The following MACROD1 variants were observed in gnomAD, a reference collection of about 807,000 sequenced individuals.
The protein encoded by MACROD1 is mono-ADP ribosylhydrolase 1, also known as ADP-ribose glycohydrolase MACROD1.
In MACROD1, 31 loss-of-function variants were observed where a neutral mutation model predicts 41.4. That is an observed-to-expected ratio of 0.75 (90% CI 0.56 to 1.01). The LOEUF (loss-of-function observed/expected upper bound fraction) is 1.01. Ranked by LOEUF, MACROD1 falls within the 50% of genes least tolerant of loss-of-function variation. The probability of loss-of-function intolerance (pLI) is 0.00; values close to 1 mark genes in which losing one functional copy is unlikely to be tolerated. For missense variants in MACROD1, 473 were observed against 460.0 expected, an observed-to-expected ratio of 1.03 and a Z score of -0.26; for synonymous variants, 252 against 203.4, an observed-to-expected ratio of 1.24 and a Z score of -2.03.
rs1380185047 is a variant in MACROD1 at position 64,067,081 on chromosome 11, C to T, written c.518-51800G>A. Among the ~76,000 whole-genome samples the T allele has an allele frequency of 1.3e-5, 2 of 152,204 alleles. No individual in the cohort carries two copies. Among genetic ancestry groups the T allele is most frequent in the African/African-American group, 4.8e-5 (2 of 41,440 alleles). On this transcript the variant is annotated intron_variant, in intron 3 of 10. Coordinates refer to ENST00000255681, the MANE Select transcript of MACROD1 (RefSeq NM_014067.4). The surrounding 1 kb of genome is among the most constrained non-coding windows in gnomAD (Gnocchi z 4.6). The stretch of plus-strand genomic sequence containing the variant: ...CAATGTCCTGGCTCATTTGGGTAAA[C>T]TAAGGCCTGGCAGAATGGAAGCCAT...
At chr11:64,070,000 G>A (rs1320640855) in intron 3 of MACROD1, among the ~76,000 whole-genome samples, 1 of 152,188 alleles carries the variant, frequency 6.6e-6, no homozygotes, top group Non-Finnish European at 1.5e-5. Flanking sequence ...CCAGGAAGCT[G>A]GGGGACAGGC....
intron 3 of MACROD1, among the ~76,000 whole-genome samples, chr11:64,016,442 G>A (rs975851774): frequency 3.3e-5 from 5 of 152,238 alleles, no homozygotes; most frequent in Admixed American, 6.5e-5. Context: ...CTTCAGCTCT[G>A]CACACAGCTT....
rs1378734959 is a variant in MACROD1, at chr11:64,120,600, G to A, written c.517+30639C>T. 6.6e-6 allele frequency among the ~76,000 whole-genome samples: 1 copy of A among 152,052 alleles called. No individual in the cohort carries two copies. The highest frequency in any genetic ancestry group is 2.4e-5 in the African/African-American group (1 of 41,396). ...CTCGGGAGGCTGAGGCAGGAGAATC[G>A]CTTGAACCAGGGAGGCAGAGGCTGC... is the stretch of plus-strand genomic sequence containing the variant. On this transcript the variant is annotated intron_variant, in intron 3 of 10. Transcript: ENST00000255681. The surrounding 1 kb of genome is among the most constrained non-coding windows in gnomAD (Gnocchi z 4.5).
chr11:64,110,399 G>A (rs560252072), intron 3 of MACROD1, among the ~76,000 whole-genome samples: 4 of 151,712 alleles, frequency 2.6e-5, no homozygotes, highest in East Asian at 3.9e-4. Flanking sequence ...GCAGTGAGCC[G>A]TGATCGGGCC....
chr11:64,044,401 A>G (rs2134395525), intron 3 of MACROD1, among the ~76,000 whole-genome samples: 1 of 152,054 alleles, frequency 6.6e-6, no homozygotes, highest in Middle Eastern at 3.4e-3. Context: ...ACAGGCACGC[A>G]CCAACACACT....
At chr11:64,056,676 G>A (rs528093479) in intron 3 of MACROD1, among the ~76,000 whole-genome samples, 1 of 152,280 alleles carries the variant, frequency 6.6e-6, no homozygotes, top group South Asian at 2.1e-4. Flanking sequence ...GGCACCACCC[G>A]GGGCTGTGCC....
At chr11:64,014,169 T>C (rs1340508231) in intron 4 of MACROD1, among the ~76,000 whole-genome samples, 1 of 146,188 alleles carries the variant, frequency 6.8e-6, no homozygotes, top group African/African-American at 2.5e-5. Context: ...GGGTGGGACA[T>C]GCAGGTGTCA....
Position 64,028,329 on chromosome 11 carries a change from T to C in MACROD1, c.518-13048A>G, listed in dbSNP as rs563069100. On this transcript the variant is annotated intron_variant, in intron 3 of 10. Transcript: ENST00000255681. The stretch of plus-strand genomic sequence containing the variant: ...GTCCTGTGGGGACACGACAGGACCC[T>C]AGCCTGGTCCCTGCCTGCCTGCCTT... Among the ~76,000 whole-genome samples the C allele has an allele frequency of 4.6e-5, 7 of 152,314 alleles. No individual in the cohort carries two copies. In the South Asian group the frequency reaches 1.4e-3, roughly 32 times the overall value.
At chr11:64,024,358 C>T (rs568065385) in intron 3 of MACROD1, among the ~76,000 whole-genome samples, 16 of 152,320 alleles carry the variant, frequency 1.1e-4, no homozygotes, top group Admixed American at 7.2e-4. Context: ...CACAAGAGCC[C>T]GTTGAGGGGG....
Position 64,061,314 on chromosome 11 carries a change from T to C in MACROD1, c.518-46033A>G, listed in dbSNP as rs189426550. ...GCGCCGACTTTGCAGCCGTCTGCCC[T>C]TCCTTCACGCTGAGCCTCCGCCCCC... On this transcript the variant is annotated intron_variant, in intron 3 of 10. Coordinates refer to ENST00000255681, the MANE Select transcript of MACROD1 (RefSeq NM_014067.4). Among the ~76,000 whole-genome samples the C allele has an allele frequency of 2.6e-5, 4 of 152,324 alleles. No individual in the cohort carries two copies. The East Asian group carries it at 7.7e-4, about 29-fold the overall frequency.
intron 3 of MACROD1, among the ~76,000 whole-genome samples, chr11:64,069,250 A>C (rs1359553278): frequency 6.6e-6 from 1 of 152,132 alleles, no homozygotes; most frequent in Non-Finnish European, 1.5e-5. Flanking sequence ...CCGCAGTTCT[A>C]CCTGACACCG....
chr11:64,082,516 C>T lies in MACROD1; in HGVS notation c.518-67235G>A, dbSNP rs373579272. ...TGGTCCCAGGGGGTGAAACAAGGCT[C>T]GGTGCCTAACGGTGGTGGCCGTGGG... On this transcript the variant is annotated intron_variant, in intron 3 of 10. Transcript: ENST00000255681. The surrounding 1 kb of genome is among the most constrained non-coding windows in gnomAD (Gnocchi z 4.5). Among the ~76,000 whole-genome samples, 124 of 152,110 alleles carry T rather than the reference C, an allele frequency of 8.2e-4. 4 individuals carry two copies. The East Asian group carries it at 0.016, about 19-fold the overall frequency.
At chr11:64,110,605 G>A (rs1944844330) in intron 3 of MACROD1, among the ~76,000 whole-genome samples, 1 of 152,094 alleles carries the variant, frequency 6.6e-6, no homozygotes, top group African/African-American at 2.4e-5. Flanking sequence ...GCTAAGCGGA[G>A]GAGTAATGGA....
chr11:64,028,967 T>A (rs543030002), intron 3 of MACROD1, among the ~76,000 whole-genome samples: 1 of 152,226 alleles, frequency 6.6e-6, no homozygotes, highest in South Asian at 2.1e-4. Context: ...GCCATCTGTT[T>A]CCGCAACCCC....
intron 3 of MACROD1, among the ~76,000 whole-genome samples, chr11:64,125,783 TG>T (rs1355734990): frequency 6.6e-6 from 1 of 152,144 alleles, no homozygotes; most frequent in Non-Finnish European, 1.5e-5. Context: ...GGGAGAGAAC[TG>T]GGGGAGGGCC....
intron 3 of MACROD1, among the ~76,000 whole-genome samples, chr11:64,050,404 C>T (rs1263016522): frequency 6.6e-6 from 1 of 152,240 alleles, no homozygotes; most frequent in Admixed American, 6.5e-5. Context: ...TGGGGCCAGG[C>T]CCTTGGCCAG....
chr11:64,160,157 C>G (rs983305173), intron 1 of MACROD1, among the ~76,000 whole-genome samples: 1 of 152,170 alleles, frequency 6.6e-6, no homozygotes, highest in Non-Finnish European at 1.5e-5. Context: ...TGACCCTTCT[C>G]AAACAGGGAA....
chr11:64,008,890 C>T (rs1942957549), intron 4 of MACROD1: 2 of 152,306 alleles, frequency 1.3e-5, no homozygotes, highest in Admixed American at 6.5e-5. Flanking sequence ...AGGAGCTGAC[C>T]CTTTGGGGCG....
At chr11:64,059,914 C>T (rs1943865103) in intron 3 of MACROD1, among the ~76,000 whole-genome samples, 1 of 152,152 alleles carries the variant, frequency 6.6e-6, no homozygotes, top group Non-Finnish European at 1.5e-5. Context: ...AGGCTGGCAA[C>T]CGCGACCTCC....
Sources: gnomAD v4.1 joint callset for allele counts (sites outside exome capture counted in the v4.1 genomes callset) on GRCh38, gnomAD v4.1.1 for gene constraint, Gnocchi (gnomAD v3.1) non-coding constraint, MANE v1.5 for transcripts, NCBI Gene and HGNC (gene_info 2026-07-23, HGNC 2026-07-21) for gene names.